Variants in SAMM50 observed in about 807,000 individuals in gnomAD.
SAMM50 encodes sorting and assembly machinery component 50 homolog.
A neutral mutation model predicts 66.9 loss-of-function variants in SAMM50; 47 were observed. The observed-to-expected ratio is 0.70, with a 90% CI of 0.56 to 0.90. The LOEUF is 0.90. Among genes scored for constraint, SAMM50 ranks in the 40% least tolerant of loss-of-function variants. The pLI, the probability that SAMM50 is intolerant of heterozygous loss-of-function variation, is 0.00. For missense variants in SAMM50, 535 were observed against 595.3 expected (o/e 0.90, Z 1.05); for synonymous variants, 191 against 214.1 (o/e 0.89, Z 0.94).
At chr22:43,990,739 A>C (rs1354885931) in intron 14 of SAMM50, among the ~76,000 whole-genome samples, 1 of 152,022 alleles carries the variant, frequency 6.6e-6, no homozygotes, top group Non-Finnish European at 1.5e-5. Flanking sequence ...TGTTTTGAGC[A>C]GTTGACTTTG....
At chr22:43,982,870 A>G (rs1391077583) in intron 11 of SAMM50, among the ~76,000 whole-genome samples, 1 of 152,158 alleles carries the variant, frequency 6.6e-6, no homozygotes, top group African/African-American at 2.4e-5. Context: ...TCCTGACCTC[A>G]GGTGATGCGC....
intron 14 of SAMM50, among the ~76,000 whole-genome samples, 183 bp downstream of exon 14, chr22:43,990,589 G>C (rs2050318583): frequency 6.6e-6 from 1 of 152,194 alleles, no homozygotes; most frequent in Non-Finnish European, 1.5e-5. Flanking sequence ...CTAGCTGGGA[G>C]GAGCAGGTGT....
intron 12 of SAMM50, chr22:43,987,065 T>A (rs936597092): frequency 6.6e-6 from 1 of 152,132 alleles, no homozygotes. Flanking sequence ...ATATGCCGAG[T>A]CTATGAGAGC....
intron 14 of SAMM50, chr22:43,996,120 T>C: frequency 1.5e-6 from 1 of 663,578 alleles, no homozygotes; most frequent in Non-Finnish European, 2.7e-6. Context: ...CTTTCCCTTT[T>C]CCATTCTCCG....
At chr22:43,958,837 G>A (rs1008869470) in intron 1 of SAMM50, among the ~76,000 whole-genome samples, 1 of 151,964 alleles carries the variant, frequency 6.6e-6, no homozygotes, top group South Asian at 2.1e-4. Flanking sequence ...AGAAAAAAAC[G>A]TTTTCAGTTC....
rs186274876 is a variant in SAMM50, at chr22:43,961,978, G to A, written c.22-1308G>A. 7.6e-4 allele frequency among the ~76,000 whole-genome samples: 115 copies of A among 152,204 alleles called. 2 individuals carry two copies. Among genetic ancestry groups the A allele is most frequent in the African/African-American group, 2.6e-3 (109 of 41,536 alleles). On this transcript the variant is annotated intron_variant, in intron 1 of 14. Transcript: ENST00000350028. The stretch of plus-strand genomic sequence containing the variant: ...TGGTCTCAAACTCCTAGGCTCAAGT[G>A]ATTATGTGTGTGTGTGTGTGTCTGT...
chr22:43,975,692 G>A (rs1243979270), intron 7 of SAMM50: 1 of 167,910 alleles, frequency 6.0e-6, no homozygotes, highest in Non-Finnish European at 1.3e-5. Flanking sequence ...TGGGGTTTGC[G>A]CCATCAGATC....
intron 14 of SAMM50, 107 bp from the exon 15 acceptor site, chr22:43,996,231 A>T (rs1335816009): frequency 8.4e-7 from 1 of 1,188,276 alleles, no homozygotes. Context: ...CAGCAGGAGG[A>T]GGAGGAAGCG....
At chr22:43,969,386 C>G (rs1195195950) in intron 4 of SAMM50, among the ~76,000 whole-genome samples, 1 of 152,206 alleles carries the variant, frequency 6.6e-6, no homozygotes, top group African/African-American at 2.4e-5. Context: ...GCACCTGCTT[C>G]GAGGCCAGCC....
intron 12 of SAMM50, chr22:43,987,832 G>A (rs2050302135): frequency 6.6e-6 from 1 of 151,784 alleles, no homozygotes; most frequent in African/African-American, 2.4e-5. Flanking sequence ...TTTCAAGGAA[G>A]ATAAAGCGTT....
chr22:43,979,285 T>C (rs2050250212), intron 10 of SAMM50, among the ~76,000 whole-genome samples: 1 of 152,230 alleles, frequency 6.6e-6, no homozygotes, highest in African/African-American at 2.4e-5. Context: ...GCCTCCTTCC[T>C]GGGCCCAGAT....
At chr22:43,963,467 A>T in intron 2 of SAMM50, 71 bp downstream of exon 2, 1 of 873,170 alleles carries the variant, frequency 1.1e-6, no homozygotes, top group East Asian at 2.6e-5. Context: ...CACTAGGGAG[A>T]TGTAAAGGAA....
At position 43,972,222 on chromosome 22, in the gene SAMM50, ATTTTTTTATTTAGGTG is replaced by A; in HGVS notation, c.323-13_325del. 6.6e-7 allele frequency: 1 copy of A among 1,506,488 alleles called. No individual in the cohort carries two copies. Among genetic ancestry groups the A allele is most frequent in the South Asian group, 1.3e-5 (1 of 79,866 alleles). 93.3% of individuals were successfully genotyped at this position (1,506,488 alleles called of 1,614,324 possible). Reference sequence around the variant, plus strand: ...CATCCTGGCTGTCTTATTGTTTAATATTTTTTTATTTAGGTGATGACGCACTTCCAAATGGGTTAGA... The same window carrying A: ...CATCCTGGCTGTCTTATTGTTTAATAATGACGCACTTCCAAATGGGTTAGA... On this transcript the variant is annotated splice_acceptor_variant and splice_polypyrimidine_tract_variant and coding_sequence_variant and intron_variant, in exon 5 of 15. Coordinates refer to ENST00000350028, the MANE Select transcript of SAMM50 (RefSeq NM_015380.5). LOFTEE classifies it high-confidence loss of function.
intron 9 of SAMM50, among the ~76,000 whole-genome samples, chr22:43,977,324 A>C (rs548602425): frequency 3.0e-4 from 46 of 152,166 alleles, no homozygotes; most frequent in Non-Finnish European, 3.7e-4. Flanking sequence ...AGGTACCTAC[A>C]AGGTGCAGGC....
chr22:43,955,497 G>C lies in SAMM50; in HGVS notation c.-81G>C, dbSNP rs1003157674. 14 of 1,519,314 alleles carry C rather than the reference G, an allele frequency of 9.2e-6. 1 individual carries two copies. Among genetic ancestry groups the C allele is most frequent in the Middle Eastern group, 3.5e-4 (2 of 5,772 alleles). The allele number at this position is 1,519,314 out of a possible 1,614,324, so 94.1% of individuals were successfully genotyped here. The stretch of plus-strand genomic sequence containing the variant: ...TGCCTTGACCTGCAGCTCCGCCACC[G>C]CGGACCCGCCTTCTGCCCTCAGCAG... On this transcript the variant is annotated 5_prime_UTR_variant, in exon 1 of 15. Transcript: ENST00000350028.
intron 3 of SAMM50, among the ~76,000 whole-genome samples, chr22:43,967,135 A>T (rs1025941226): frequency 6.6e-6 from 1 of 152,060 alleles, no homozygotes; most frequent in African/African-American, 2.4e-5. Flanking sequence ...TTGCTTTTCC[A>T]CAAGGATCAG....
Position 43,955,538 on chromosome 22 carries a change from G to T in SAMM50, c.-40G>T, listed in dbSNP as rs1305956612. On this transcript the variant is annotated 5_prime_UTR_variant, in exon 1 of 15. Transcript: ENST00000350028. Reference sequence around the variant, plus strand: ...CCCTCAGCAGCAGACGCTCTGTCCCGCCCGGGCAGCTCTGCGAGGCAGCGG... The same window carrying T: ...CCCTCAGCAGCAGACGCTCTGTCCCTCCCGGGCAGCTCTGCGAGGCAGCGG... The T allele has an allele frequency of 1.9e-6, 3 of 1,589,190 alleles. No homozygotes were observed. The highest frequency in any genetic ancestry group is 1.7e-6 in the Non-Finnish European group (2 of 1,168,546).
rs537548310 is a variant in SAMM50 at position 43,957,571 on chromosome 22, C to A, written c.21+1973C>A. ...CCATGTAGCTGGGATTATAGGCGCA[C>A]GCCACCACACCCAGCCAATTTTTGT... On this transcript the variant is annotated intron_variant, in intron 1 of 14. Transcript: ENST00000350028. Among the ~76,000 whole-genome samples, 250 of 152,058 alleles carry A rather than the reference C, an allele frequency of 1.6e-3. 2 individuals are homozygous for A. The highest frequency in any genetic ancestry group is 6.8e-3 in the Middle Eastern group (2 of 294).
rs201556963 is a variant in SAMM50 at position 43,990,312 on chromosome 22, T to G, written c.1270T>G (p.Trp424Gly). 6.2e-7 allele frequency: 1 copy of G among 1,614,150 alleles called. No homozygotes were observed. Among genetic ancestry groups the G allele is most frequent in the East Asian group, 2.2e-5 (1 of 44,864 alleles). ...HIRKLAECIR[W>G]SYGAGIVLRL... ...TCGTAAGCTGGCTGAGTGCATCCGC[T>G]GGTCGTACGGGGCCGGGATTGTCCT... Residue 424 changes from tryptophan to glycine, a missense_variant, in exon 14 of 15, where the codon TGG becomes GGG. Transcript: ENST00000350028.
Sources: gnomAD v4.1 joint callset for allele counts (sites outside exome capture counted in the v4.1 genomes callset) on GRCh38, gnomAD v4.1.1 for gene constraint, MANE v1.5 for transcripts, NCBI Gene and HGNC (gene_info 2026-07-23, HGNC 2026-07-21) for gene names.